PAXBP1: variants seen among roughly 807,000 people sequenced by gnomAD.
PAXBP1 encodes PAX3- and PAX7-binding protein 1.
PAXBP1 carries 44 observed loss-of-function variants against 119.9 expected under a neutral mutation model. The observed-to-expected ratio is 0.37, with a 90% CI of 0.29 to 0.47. The LOEUF (loss-of-function observed/expected upper bound fraction) is 0.47. Among genes scored for constraint, PAXBP1 ranks in the 20% least tolerant of loss-of-function variants. The pLI is 0.99. For synonymous variants in PAXBP1, 393 were observed against 406.6 expected, an observed-to-expected ratio of 0.97 and a Z score of 0.40; for missense variants, 898 against 1,134.1, an observed-to-expected ratio of 0.79 and a Z score of 2.99.
At chr21:32,747,376 G>T (rs2043890125) in intron 11 of PAXBP1, among the ~76,000 whole-genome samples, 1 of 152,184 alleles carries the variant, frequency 6.6e-6, no homozygotes, top group Non-Finnish European at 1.5e-5. Context: ...AGGAGACAGA[G>T]GGTGGAGCTC....
intron 10 of PAXBP1, among the ~76,000 whole-genome samples, chr21:32,749,990 T>C (rs1438628445): frequency 6.6e-6 from 1 of 152,136 alleles, no homozygotes; most frequent in East Asian, 1.9e-4. Flanking sequence ...CCCATAAAAA[T>C]AGTTCCTAAA....
chr21:32,741,727 G>A (rs745699997), intron 15 of PAXBP1: 95 of 528,816 alleles, frequency 1.8e-4, no homozygotes, highest in Admixed American at 1.1e-3. Context: ...TTGGCTTTGC[G>A]GAAAAGGGGT....
chr21:32,739,260 C>G (rs1191032341), intron 15 of PAXBP1, among the ~76,000 whole-genome samples: 1 of 152,194 alleles, frequency 6.6e-6, no homozygotes, highest in Non-Finnish European at 1.5e-5. Context: ...TATTAAGTCT[C>G]CCACAGAAGC....
intron 10 of PAXBP1, 23 bp from the exon 11 acceptor site, chr21:32,748,721 G>A (rs757479207): frequency 1.7e-5 from 27 of 1,597,784 alleles, no homozygotes; most frequent in Non-Finnish European, 2.2e-5. Context: ...AAACCCCACA[G>A]AGAACCATAC....
intron 11 of PAXBP1, among the ~76,000 whole-genome samples, chr21:32,747,775 A>T (rs975029871): frequency 6.6e-6 from 1 of 150,902 alleles, no homozygotes; most frequent in Non-Finnish European, 1.5e-5. Context: ...GGTCCTCTTG[A>T]TTCCACCTCC....
In PAXBP1 at chr21:32,751,136, T is replaced by G; in HGVS notation, c.1590A>C (p.Ala530=). ...AGAATTACCTCCTGGCCTCCCGCTC[T>G]GCAATGCGACGTTTTGCATGCTCTT... The part of the protein sequence containing the change: ...LYQEHAKRRI[A]EREARRTRRR... The change falls in exon 9 of 18, where the codon GCA becomes GCC. Residue 530 remains alanine, a synonymous_variant. Coordinates refer to ENST00000331923, the MANE Select transcript of PAXBP1 (RefSeq NM_016631.4). The G allele has an allele frequency of 6.2e-7, 1 of 1,613,848 alleles. No individual in the cohort carries two copies. The highest frequency in any genetic ancestry group is 8.5e-7 in the Non-Finnish European group (1 of 1,179,734).
chr21:32,755,443 G>A, intron 7 of PAXBP1, 90 bp from the exon 8 acceptor site: 1 of 1,529,762 alleles, frequency 6.5e-7, no homozygotes. Context: ...TTCTGAAAAA[G>A]TACCCTCTCT....
At chr21:32,745,435 G>T in intron 12 of PAXBP1, 139 bp downstream of exon 12, 1 of 1,222,954 alleles carries the variant, frequency 8.2e-7, no homozygotes, top group Non-Finnish European at 1.1e-6. Flanking sequence ...CTGCCCTCTA[G>T]CCATCTCTGG....
intron 7 of PAXBP1, chr21:32,756,567 T>C (rs2044045619): frequency 3.2e-6 from 1 of 313,912 alleles, no homozygotes; most frequent in Non-Finnish European, 6.1e-6. Flanking sequence ...CCTTGATAGC[T>C]GAGTCCAGAG....
intron 8 of PAXBP1, among the ~76,000 whole-genome samples, chr21:32,753,817 A>G (rs1471780652): frequency 6.6e-6 from 1 of 152,194 alleles, no homozygotes. Context: ...CTCTAAGTAA[A>G]TAGCTCCATA....
At position 32,738,176 on chromosome 21, in the gene PAXBP1, T is replaced by C. The variant is rs1372889020; in HGVS notation, c.2478A>G (p.Gln826=). 3 of 1,570,406 alleles carry C rather than the reference T, an allele frequency of 1.9e-6. No individual in the cohort carries two copies. Among genetic ancestry groups the C allele is most frequent in the African/African-American group, 1.4e-5 (1 of 72,042 alleles). The change falls in exon 16 of 18, where the codon CAA becomes CAG. Residue 826 remains glutamine, a synonymous_variant. Coordinates refer to ENST00000331923, the MANE Select transcript of PAXBP1 (RefSeq NM_016631.4). ...CTGTACTATGCATTTAACTCACATTTTGGGCTTTTTTGATGCTGTCATCTC... is the reference window on the plus strand; with the variant it reads ...CTGTACTATGCATTTAACTCACATTCTGGGCTTTTTTGATGCTGTCATCTC... ...EYGDDSIKKA[Q]NVINCFPKQW...
intron 7 of PAXBP1, among the ~76,000 whole-genome samples, chr21:32,757,511 A>G (rs1175548081): frequency 1.3e-5 from 2 of 152,188 alleles, no homozygotes; most frequent in African/African-American, 4.8e-5. Flanking sequence ...TCTGAAGTAA[A>G]CTTCTCTAGG....
At position 32,771,360 on chromosome 21, in the gene PAXBP1, C is replaced by G. The variant is rs750946854; in HGVS notation, c.309G>C (p.Arg103=). The change falls in exon 1 of 18, where the codon CGG becomes CGC. Residue 103 remains arginine (R), a synonymous_variant. Transcript: ENST00000331923. ...CGTCCTGGAAGCTGAGCAGGCTGGC[C>G]CGGGGCACCTCTTTGTTCTCGCGAG... ...KRPRENKEVP[R]ASLLSFQDEE... The G allele has an allele frequency of 6.3e-7, 1 of 1,585,602 alleles. No individual in the cohort carries two copies. Among genetic ancestry groups the G allele is most frequent in the Non-Finnish European group, 8.5e-7 (1 of 1,173,722 alleles).
rs754652602 is a variant in PAXBP1, at chr21:32,744,821, C to T, written c.2161G>A (p.Val721Ile). ...TLKLINGYPS[V>I]VNAENKNTQV... ...GTATTTTTATTTTCTGCATTCACTA[C>T]TGAAGGATATCCATTGATTAATTTT... The change falls in exon 13 of 18, where the codon GTA becomes ATA. Residue 721 changes from valine (V) to isoleucine (I), a missense_variant. This residue lies in a region of PAXBP1 where 599 missense variants were observed against 852.7 expected (regional missense o/e 0.70). Transcript: ENST00000331923. 1.2e-6 allele frequency: 2 copies of T among 1,600,884 alleles called. No individual in the cohort carries two copies. The highest frequency in any genetic ancestry group is 3.4e-5 in the Admixed American group (2 of 58,434).
chr21:32,747,233 A>C (rs1309713871), intron 11 of PAXBP1, among the ~76,000 whole-genome samples: 1 of 152,192 alleles, frequency 6.6e-6, no homozygotes, highest in African/African-American at 2.4e-5. Context: ...GGAACTTAAA[A>C]GCCAAAGAAA....
chr21:32,743,060 C>T, intron 15 of PAXBP1, 188 bp downstream of exon 15: 2 of 680,574 alleles, frequency 2.9e-6, no homozygotes, highest in Non-Finnish European at 5.5e-6. Context: ...TCAGAAATCA[C>T]TTTCTCCTGT....
intron 12 of PAXBP1, among the ~76,000 whole-genome samples, chr21:32,745,250 C>T (rs62214442): frequency 0.02 from 3,081 of 152,188 alleles, 44 homozygotes; most frequent in Non-Finnish European, 0.03. Flanking sequence ...TTTTGAGGAA[C>T]TTATGAAAGC....
At chr21:32,737,439 G>A (rs753881379) in intron 16 of PAXBP1, 31 bp from the exon 17 acceptor site, 1 of 1,562,630 alleles carries the variant, frequency 6.4e-7, no homozygotes, top group Non-Finnish European at 8.7e-7. Context: ...AAATAAAATA[G>A]TTAAGACAGA....
At chr21:32,743,184 TA>T in intron 15 of PAXBP1, 63 bp downstream of exon 15, 2 of 1,245,644 alleles carry the variant, frequency 1.6e-6, no homozygotes, top group Non-Finnish European at 2.3e-6. Context: ...CAAAACACTC[TA>T]AAAAATGTAA....
Sources: gnomAD v4.1 joint callset for allele counts (sites outside exome capture counted in the v4.1 genomes callset) on GRCh38, gnomAD v4.1.1 for gene constraint, gnomAD v4.1.1 regional missense constraint, MANE v1.5 for transcripts, NCBI Gene and HGNC (gene_info 2026-07-23, HGNC 2026-07-21) for gene names.